The following ADGRB3 variants were observed in gnomAD, a reference collection of about 807,000 sequenced individuals.
The protein encoded by ADGRB3 is brain-specific angiogenesis inhibitor 3.
A neutral mutation model predicts 193.4 loss-of-function variants in ADGRB3; 37 were observed. The ratio of observed to expected loss-of-function variants is 0.19; its 90% CI spans 0.15 to 0.25. The LOEUF (loss-of-function observed/expected upper bound fraction) is 0.25, where lower values mean the gene tolerates loss of function less well. ADGRB3 is among the 10% of genes least tolerant of loss of function. The pLI is 1.00. For missense variants in ADGRB3, 1,637 were observed against 1,852.9 expected (o/e 0.88, Z 2.14); for synonymous variants, 690 against 644.2 (o/e 1.07, Z -1.08).
At chr6:68,691,965 G>A (rs573292003) in intron 3 of ADGRB3, among the ~76,000 whole-genome samples, 1 of 151,648 alleles carries the variant, frequency 6.6e-6, no homozygotes, top group Non-Finnish European at 1.5e-5. Flanking sequence ...TGAAATCAGT[G>A]AAAGAAGCTT....
chr6:69,374,410 C>T (rs1769770326), intron 30 of ADGRB3, among the ~76,000 whole-genome samples: 1 of 152,064 alleles, frequency 6.6e-6, no homozygotes, highest in Non-Finnish European at 1.5e-5. Flanking sequence ...CCCTGACACT[C>T]CTGCTCCGCC....
intron 3 of ADGRB3, among the ~76,000 whole-genome samples, chr6:68,685,275 A>G (rs1021520904): frequency 2.0e-5 from 3 of 152,172 alleles, no homozygotes; most frequent in African/African-American, 7.2e-5. Flanking sequence ...AAGAAGTTAT[A>G]AATTATTGTC....
At chr6:68,732,510 A>G (rs1025791378) in intron 3 of ADGRB3, among the ~76,000 whole-genome samples, 1 of 151,958 alleles carries the variant, frequency 6.6e-6, no homozygotes. Flanking sequence ...TCATTTGGCC[A>G]TTGTTAAAAT....
At chr6:69,010,950 G>T (rs2150283876) in intron 11 of ADGRB3, among the ~76,000 whole-genome samples, 1 of 152,030 alleles carries the variant, frequency 6.6e-6, no homozygotes, top group Non-Finnish European at 1.5e-5. Context: ...GCAAGTAGTG[G>T]CTCTGCTACC....
intron 20 of ADGRB3, among the ~76,000 whole-genome samples, chr6:69,248,521 G>T (rs1001220020): frequency 1.3e-5 from 2 of 152,186 alleles, no homozygotes; most frequent in Non-Finnish European, 2.9e-5. Context: ...CATTGGAATG[G>T]TGTGAAGACT....
intron 19 of ADGRB3, among the ~76,000 whole-genome samples, chr6:69,236,287 A>T (rs1766265718): frequency 6.6e-6 from 1 of 152,012 alleles, no homozygotes; most frequent in Admixed American, 6.6e-5. Flanking sequence ...CTCTTGACCC[A>T]TTAGCACTGG....
At chr6:68,714,396 G>A (rs2127318583) in intron 3 of ADGRB3, among the ~76,000 whole-genome samples, 2 of 151,792 alleles carry the variant, frequency 1.3e-5, no homozygotes, top group African/African-American at 4.8e-5. Context: ...TGGTGACAGT[G>A]GGATGGCTGA....
intron 21 of ADGRB3, among the ~76,000 whole-genome samples, chr6:69,326,190 C>T (rs990052221): frequency 1.3e-5 from 2 of 152,094 alleles, no homozygotes; most frequent in African/African-American, 2.4e-5. Context: ...TTGCAGTGAG[C>T]CAAGATCACA....
chr6:69,116,384 T>C (rs1177739263), intron 17 of ADGRB3, among the ~76,000 whole-genome samples: 1 of 152,156 alleles, frequency 6.6e-6, no homozygotes, highest in Non-Finnish European at 1.5e-5. Context: ...CCCCTAACCC[T>C]TTTTTAATGC....
chr6:69,096,348 TTTTTATTG>T (rs1772874831), intron 17 of ADGRB3, among the ~76,000 whole-genome samples: 1 of 138,594 alleles, frequency 7.2e-6, no homozygotes, highest in Non-Finnish European at 1.5e-5. Context: ...AGAAAGAGGG[TTTTTATTG>T]TTTTGGGTTT....
chr6:68,831,002 C>G (rs1767941695), intron 3 of ADGRB3, among the ~76,000 whole-genome samples: 1 of 150,024 alleles, frequency 6.7e-6, no homozygotes, highest in Non-Finnish European at 1.5e-5. Context: ...ATAACGTGAT[C>G]TAACCTACAT....
At chr6:69,259,477 C>T (rs1292734923) in intron 20 of ADGRB3, among the ~76,000 whole-genome samples, 4 of 152,100 alleles carry the variant, frequency 2.6e-5, no homozygotes, top group Admixed American at 1.3e-4. Flanking sequence ...GGGCGGATCA[C>T]GAGGCCAGGA....
chr6:68,824,973 G>C (rs1235382073), intron 3 of ADGRB3, among the ~76,000 whole-genome samples: 1 of 151,988 alleles, frequency 6.6e-6, no homozygotes, highest in Non-Finnish European at 1.5e-5. Flanking sequence ...TCCTGTGTCA[G>C]CCTCAGGAGT....
At chr6:68,957,816 AC>A (rs1288812937) in intron 8 of ADGRB3, among the ~76,000 whole-genome samples, 3 of 152,198 alleles carry the variant, frequency 2.0e-5, no homozygotes, top group Non-Finnish European at 4.4e-5. Flanking sequence ...TATTATAAAG[AC>A]TTCTCACAGT....
chr6:69,059,095 T>C (rs10455680), intron 15 of ADGRB3, among the ~76,000 whole-genome samples: 32,087 of 152,006 alleles, frequency 0.21, 3,611 homozygotes, highest in African/African-American at 0.23. Context: ...TTTATTTCTT[T>C]CCTCAATTAT....
rs766590885 is a variant in ADGRB3, at chr6:69,233,285, T to C, written c.2481-5T>C. 3.1e-6 allele frequency: 5 copies of C among 1,613,620 alleles called. No individual in the cohort carries two copies. Among genetic ancestry groups the C allele is most frequent in the Non-Finnish European group, 4.2e-6 (5 of 1,179,834 alleles). ...GATTTCCTCCCCCCTCACTCCCCTT[T>C]GCAGGAACGAGTCTTTGGGAACGTG... On this transcript the variant is annotated splice_region_variant and splice_polypyrimidine_tract_variant and intron_variant, in intron 17 of 31. Transcript: ENST00000370598.
chr6:69,361,617 G>A, intron 29 of ADGRB3, 105 bp downstream of exon 29: 2 of 1,311,552 alleles, frequency 1.5e-6, no homozygotes, highest in Non-Finnish European at 2.1e-6. Context: ...ACTGGTGTGG[G>A]AAGAGAAGAT....
At chr6:69,066,631 CTA>C (rs1771918916) in intron 16 of ADGRB3, among the ~76,000 whole-genome samples, 1 of 152,068 alleles carries the variant, frequency 6.6e-6, no homozygotes, top group African/African-American at 2.4e-5. Context: ...TAGTAAGACA[CTA>C]TTCTTAGTTC....
intron 3 of ADGRB3, among the ~76,000 whole-genome samples, chr6:68,773,712 T>C (rs935330468): frequency 1.3e-5 from 2 of 152,170 alleles, no homozygotes; most frequent in Non-Finnish European, 2.9e-5. Context: ...GAATAAGACA[T>C]AGTCCAGATT....
Sources: allele counts gnomAD v4.1 joint callset (sites outside exome capture counted in the v4.1 genomes callset), GRCh38; gene constraint gnomAD v4.1.1; transcripts MANE v1.5; gene names NCBI Gene and HGNC (gene_info 2026-07-23, HGNC 2026-07-21).